Variants in SLX4IP observed in about 807,000 individuals in gnomAD.
The protein encoded by SLX4IP is SLX4 interacting protein.
A neutral mutation model predicts 32.9 loss-of-function variants in SLX4IP; 34 were observed. That is an observed-to-expected ratio of 1.03 (90% CI 0.79 to 1.38). The LOEUF is 1.38. SLX4IP is among the 40% of genes most tolerant of loss of function. SLX4IP has a pLI of 0.00. For missense variants in SLX4IP, 444 were observed against 479.0 expected (o/e 0.93, Z 0.68); for synonymous variants, 172 against 171.7 (o/e 1.00, Z -0.01).
intron 6 of SLX4IP, among the ~76,000 whole-genome samples, chr20:10,604,043 A>T (rs1455786534): frequency 6.6e-6 from 1 of 152,166 alleles, no homozygotes; most frequent in African/African-American, 2.4e-5. Flanking sequence ...CATACTTCAA[A>T]TGCCCACAGC....
At chr20:10,622,628 C>T in intron 7 of SLX4IP, 31 bp from the exon 8 acceptor site, 1 of 1,572,674 alleles carries the variant, frequency 6.4e-7, no homozygotes, top group East Asian at 2.2e-5. Flanking sequence ...GACAGCTTTA[C>T]AAACCATAAA....
At chr20:10,440,192 C>T (rs573565804) in intron 1 of SLX4IP, among the ~76,000 whole-genome samples, 100 of 151,150 alleles carry the variant, frequency 6.6e-4, no homozygotes, top group Middle Eastern at 6.9e-3. Context: ...CGGTGGCTCA[C>T]GCCTGTTATT....
chr20:10,444,460 C>T (rs1367149525), intron 1 of SLX4IP, among the ~76,000 whole-genome samples: 1 of 152,136 alleles, frequency 6.6e-6, no homozygotes, highest in African/African-American at 2.4e-5. Context: ...TCACTGCAAC[C>T]TCTGCCTCCC....
chr20:10,487,056 C>A (rs667674), intron 2 of SLX4IP, among the ~76,000 whole-genome samples: 59,408 of 151,868 alleles, frequency 0.39, 11,833 homozygotes, highest in Non-Finnish European at 0.43. Flanking sequence ...GGATTAGAGC[C>A]GCCTGCACGC....
intron 6 of SLX4IP, 41 bp downstream of exon 6, chr20:10,601,860 A>C: frequency 6.5e-7 from 1 of 1,528,140 alleles, no homozygotes. Flanking sequence ...AGTCTGCTTA[A>C]ATGCTGAGTT....
intron 6 of SLX4IP, among the ~76,000 whole-genome samples, chr20:10,614,720 C>T (rs2067006533): frequency 6.6e-6 from 1 of 152,070 alleles, no homozygotes; most frequent in Non-Finnish European, 1.5e-5. Flanking sequence ...AGCATCTGAC[C>T]CTGGGGCGTG....
chr20:10,560,668 G>T, intron 3 of SLX4IP, 32 bp from the exon 4 acceptor site: 1 of 1,434,224 alleles, frequency 7.0e-7, no homozygotes, highest in Non-Finnish European at 9.4e-7. Context: ...CATTAAATTT[G>T]AAGGTTATAT....
chr20:10,620,762 A>AGCCAGG (rs1225575442), intron 6 of SLX4IP, among the ~76,000 whole-genome samples: 1 of 152,134 alleles, frequency 6.6e-6, no homozygotes, highest in African/African-American at 2.4e-5. Flanking sequence ...TCACCGTGTT[A>AGCCAGG]GCCAGGATGG....
intron 2 of SLX4IP, among the ~76,000 whole-genome samples, chr20:10,466,625 T>A (rs1214344639): frequency 1.3e-5 from 2 of 152,150 alleles, no homozygotes; most frequent in Non-Finnish European, 2.9e-5. Flanking sequence ...CTCTGGAATG[T>A]GCATCTGGCT....
intron 1 of SLX4IP, among the ~76,000 whole-genome samples, chr20:10,441,214 G>A (rs887657356): frequency 1.2e-4 from 18 of 152,106 alleles, no homozygotes; most frequent in South Asian, 4.1e-4. Context: ...GGCGAGTGGA[G>A]TGCTTGAGCT....
intron 2 of SLX4IP, among the ~76,000 whole-genome samples, chr20:10,542,548 C>G (rs902855136): frequency 6.6e-6 from 1 of 152,150 alleles, no homozygotes. Context: ...TAGTTTGTCT[C>G]AATTTCAATA....
At chr20:10,458,570 G>C (rs1855796471) in intron 2 of SLX4IP, among the ~76,000 whole-genome samples, 2 of 151,818 alleles carry the variant, frequency 1.3e-5, no homozygotes, top group Non-Finnish European at 2.9e-5. Flanking sequence ...ATGTGTCTAT[G>C]TGTTCTCATT....
At chr20:10,511,288 T>A (rs1174840531) in intron 2 of SLX4IP, among the ~76,000 whole-genome samples, 1 of 152,186 alleles carries the variant, frequency 6.6e-6, no homozygotes, top group Non-Finnish European at 1.5e-5. Context: ...TAGTCTCAGA[T>A]AAAAACACAT....
chr20:10,626,678 C>T lies in SLX4IP; in HGVS notation c.*3299C>T, dbSNP rs780117146. Reference sequence around the variant, plus strand: ...CTTTCACATTTTCTTATCTTTGCCACTGGAGGTTAACTGTCGTCCAGATAT... The same window carrying T: ...CTTTCACATTTTCTTATCTTTGCCATTGGAGGTTAACTGTCGTCCAGATAT... On this transcript the variant is annotated 3_prime_UTR_variant, in exon 8 of 8. Coordinates refer to ENST00000334534, the MANE Select transcript of SLX4IP (RefSeq NM_001009608.3). 14 of 152,158 alleles carry T rather than the reference C, an allele frequency of 9.2e-5. No individual in the cohort carries two copies. The highest frequency in any genetic ancestry group is 1.8e-4 in the Non-Finnish European group (12 of 68,034). 9.4% of individuals were successfully genotyped at this position (152,158 alleles called of 1,614,324 possible).
chr20:10,535,362 C>G (rs1323616141), intron 2 of SLX4IP, among the ~76,000 whole-genome samples: 1 of 152,092 alleles, frequency 6.6e-6, no homozygotes, highest in African/African-American at 2.4e-5. Context: ...TGCTCTGTTG[C>G]CCAAGCTGGA....
At chr20:10,465,529 C>T (rs970244453) in intron 2 of SLX4IP, among the ~76,000 whole-genome samples, 2 of 152,168 alleles carry the variant, frequency 1.3e-5, no homozygotes, top group African/African-American at 4.8e-5. Context: ...GATTGAGTCT[C>T]GCTTGTTGCT....
chr20:10,557,104 G>T (rs2122497733), intron 3 of SLX4IP, among the ~76,000 whole-genome samples: 1 of 152,252 alleles, frequency 6.6e-6, no homozygotes, highest in Non-Finnish European at 1.5e-5. Context: ...CATTATCCGT[G>T]ATGTCCATTT....
intron 2 of SLX4IP, 110 bp from the exon 3 acceptor site, chr20:10,556,121 T>G (rs2066264134): frequency 2.2e-6 from 2 of 899,730 alleles, no homozygotes; most frequent in Non-Finnish European, 3.4e-6. Context: ...AGTAGTGAAC[T>G]TTGTTGCCAT....
chr20:10,540,161 C>CTCCT (rs879438530), intron 2 of SLX4IP, among the ~76,000 whole-genome samples: 3,494 of 108,190 alleles, frequency 0.032, 84 homozygotes, highest in Admixed American at 0.12. Flanking sequence ...CCTTCCTTCT[C>CTCCT]TCCTTCCTTC....
Sources: gnomAD v4.1 joint callset for allele counts (sites outside exome capture counted in the v4.1 genomes callset) on GRCh38, gnomAD v4.1.1 for gene constraint, MANE v1.5 for transcripts, NCBI Gene and HGNC (gene_info 2026-07-23, HGNC 2026-07-21) for gene names.